Variants in CAMTA1 observed in about 807,000 individuals in gnomAD.
The protein encoded by CAMTA1 is calmodulin-binding transcription activator 1.
Under a neutral mutation model 170.9 loss-of-function variants are expected in CAMTA1, and 27 were observed. The observed-to-expected ratio is 0.16, with a 90% CI of 0.12 to 0.22. CAMTA1 has a LOEUF of 0.22. Ranked by LOEUF, CAMTA1 falls within the 10% of genes least tolerant of loss-of-function variation. The probability of loss-of-function intolerance (pLI) is 1.00; values close to 1 mark genes in which losing one functional copy is unlikely to be tolerated. For synonymous variants in CAMTA1, 833 were observed against 891.5 expected (o/e 0.93, Z 1.17); for missense variants, 1,619 against 2,217.2 (o/e 0.73, Z 5.42).
chr1:7,109,751 G>T (rs1008866739), intron 4 of CAMTA1, among the ~76,000 whole-genome samples: 1 of 152,168 alleles, frequency 6.6e-6, no homozygotes, highest in African/African-American at 2.4e-5. Flanking sequence ...ATTGGCCTGA[G>T]TGAGAAAGCT....
intron 3 of CAMTA1, among the ~76,000 whole-genome samples, chr1:7,045,353 C>T (rs1277031354): frequency 6.6e-6 from 1 of 152,178 alleles, no homozygotes; most frequent in Non-Finnish European, 1.5e-5. Flanking sequence ...GTCTGGCCCC[C>T]TCCTGCTGTA....
chr1:6,964,275 C>T (rs916354436), intron 3 of CAMTA1, among the ~76,000 whole-genome samples: 2 of 151,856 alleles, frequency 1.3e-5, no homozygotes, highest in South Asian at 2.1e-4. Context: ...TATAGGGGTG[C>T]GGAGTCCTGG....
intron 6 of CAMTA1, among the ~76,000 whole-genome samples, chr1:7,476,382 A>C (rs888278660): frequency 6.6e-6 from 1 of 152,220 alleles, no homozygotes; most frequent in Non-Finnish European, 1.5e-5. Flanking sequence ...AAGGAGACAC[A>C]GAATGGGCGG....
intron 6 of CAMTA1, among the ~76,000 whole-genome samples, chr1:7,511,707 A>G (rs1185365551): frequency 6.6e-6 from 1 of 152,152 alleles, no homozygotes; most frequent in Non-Finnish European, 1.5e-5. Flanking sequence ...AGATCTCAAA[A>G]GGCTGGTGAG....
chr1:7,652,778 T>G (rs980675091), intron 7 of CAMTA1, among the ~76,000 whole-genome samples: 72 of 152,014 alleles, frequency 4.7e-4, no homozygotes, highest in Non-Finnish European at 2.4e-4. Flanking sequence ...ACCACCGAGC[T>G]GCTGTCCAGT....
At chr1:7,155,746 A>G (rs1646839078) in intron 4 of CAMTA1, among the ~76,000 whole-genome samples, 1 of 152,064 alleles carries the variant, frequency 6.6e-6, no homozygotes, top group South Asian at 2.1e-4. Flanking sequence ...TGAGGTCTTG[A>G]GCAAGGCCGC....
chr1:7,499,176 C>A (rs866591760), intron 6 of CAMTA1, among the ~76,000 whole-genome samples: 158 of 7,616 alleles, frequency 0.021, 3 homozygotes, highest in African/African-American at 0.038. Flanking sequence ...GCATGTGTGT[C>A]CATGAGTGTG....
At chr1:7,695,459 T>C (rs1426452308) in intron 11 of CAMTA1, among the ~76,000 whole-genome samples, 2 of 152,252 alleles carry the variant, frequency 1.3e-5, no homozygotes, top group African/African-American at 4.8e-5. Context: ...CCTGGCATTA[T>C]TCCAAGTCAC....
At chr1:7,651,199 G>C (rs1312196647) in intron 7 of CAMTA1, among the ~76,000 whole-genome samples, 7 of 152,162 alleles carry the variant, frequency 4.6e-5, no homozygotes. Context: ...CTCTTTCTGG[G>C]TCTTTCTTGG....
chr1:7,428,028 G>A (rs550239836), intron 5 of CAMTA1, among the ~76,000 whole-genome samples: 3 of 152,206 alleles, frequency 2.0e-5, no homozygotes. Context: ...GCAGGAAGCA[G>A]GCAGCACTGG....
intron 11 of CAMTA1, among the ~76,000 whole-genome samples, chr1:7,705,548 G>T (rs1470372231): frequency 6.6e-6 from 1 of 150,680 alleles, no homozygotes; most frequent in Non-Finnish European, 1.5e-5. Context: ...GTCGGGGCGC[G>T]CGGGGGCCCG....
rs754566000 is a variant in CAMTA1, at chr1:7,738,356, G to A, written c.4056G>A (p.Gln1352=). The part of the protein sequence containing the change: ...TSVGKEAAPS[Q]VRPREPMSVL... ...TAGGAAAGGAGGCAGCACCTTCACAGGTGCGTCCACGGGAACCAATGAGTG... is the reference window on the plus strand; with the variant it reads ...TAGGAAAGGAGGCAGCACCTTCACAAGTGCGTCCACGGGAACCAATGAGTG... The change falls in exon 16 of 23, where the codon CAG becomes CAA. Residue 1352 remains glutamine, a synonymous_variant. Coordinates refer to ENST00000303635, the MANE Select transcript of CAMTA1 (RefSeq NM_015215.4). The surrounding 1 kb of genome is among the most constrained non-coding windows in gnomAD (Gnocchi z 4.9). 6 of 1,614,078 alleles carry A rather than the reference G, an allele frequency of 3.7e-6. No homozygotes were observed. The Admixed American group carries it at 5.0e-5, about 13-fold the overall frequency.
intron 3 of CAMTA1, among the ~76,000 whole-genome samples, chr1:6,976,151 C>T (rs777881008): frequency 2.6e-5 from 4 of 152,156 alleles, no homozygotes; most frequent in African/African-American, 7.2e-5. Flanking sequence ...TGGGACAAAA[C>T]GAAACAGTCA....
chr1:7,655,735 CCACACCTATACA>C (rs2095897482), intron 7 of CAMTA1, among the ~76,000 whole-genome samples: 1 of 151,822 alleles, frequency 6.6e-6, no homozygotes, highest in Non-Finnish European at 1.5e-5. Context: ...ACCGATACAC[CCACACCTATACA>C]CACACCTATA....
chr1:7,485,683 C>T (rs1431432818), intron 6 of CAMTA1, among the ~76,000 whole-genome samples: 2 of 152,160 alleles, frequency 1.3e-5, no homozygotes, highest in African/African-American at 2.4e-5. Flanking sequence ...CCCCACCAGG[C>T]GAGGCAGGAC....
intron 3 of CAMTA1, among the ~76,000 whole-genome samples, chr1:7,017,934 C>T (rs1700786945): frequency 6.6e-6 from 1 of 151,318 alleles, no homozygotes. Context: ...GGGCCTGCTC[C>T]TCCAGGCCAT....
At chr1:7,221,830 C>T (rs1660822067) in intron 4 of CAMTA1, among the ~76,000 whole-genome samples, 1 of 152,084 alleles carries the variant, frequency 6.6e-6, no homozygotes, top group South Asian at 2.1e-4. Context: ...ATCCCATGGT[C>T]AGGGAGGATG....
chr1:7,374,207 C>T (rs989003109), intron 5 of CAMTA1, among the ~76,000 whole-genome samples: 1 of 152,232 alleles, frequency 6.6e-6, no homozygotes, highest in African/African-American at 2.4e-5. Context: ...CTCCTTTCTA[C>T]GTGGAGGTGA....
intron 5 of CAMTA1, among the ~76,000 whole-genome samples, chr1:7,315,056 C>A (rs74052031): frequency 0.015 from 2,309 of 152,262 alleles, 61 homozygotes; most frequent in African/African-American, 0.053. Context: ...ACTCAAGGGT[C>A]AGTGAAGGGT....
Sources: allele counts gnomAD v4.1 joint callset (sites outside exome capture counted in the v4.1 genomes callset), GRCh38; gene constraint gnomAD v4.1.1; non-coding constraint Gnocchi (gnomAD v3.1); transcripts MANE v1.5; gene names NCBI Gene and HGNC (gene_info 2026-07-23, HGNC 2026-07-21).